DOCK7: variants seen among roughly 807,000 people sequenced by gnomAD.
DOCK7 encodes the protein dedicator of cytokinesis 7.
Under a neutral mutation model 271.0 loss-of-function variants are expected in DOCK7, and 138 were observed. The ratio of observed to expected loss-of-function variants is 0.51; its 90% CI spans 0.44 to 0.59. The LOEUF is 0.59. DOCK7 is among the 20% of genes least tolerant of loss of function. The pLI, the probability that DOCK7 is intolerant of heterozygous loss-of-function variation, is 0.00. For synonymous variants in DOCK7, 823 were observed against 876.1 expected (o/e 0.94, Z 1.07); for missense variants, 2,066 against 2,592.4 (o/e 0.80, Z 4.41).
chr1:62,620,556 A>G (rs905283631), intron 12 of DOCK7, among the ~76,000 whole-genome samples: 1 of 151,980 alleles, frequency 6.6e-6, no homozygotes, highest in African/African-American at 2.4e-5. Flanking sequence ...CCTATAAAGT[A>G]TTACAAAATA....
intron 18 of DOCK7, among the ~76,000 whole-genome samples, chr1:62,567,884 T>C (rs1190671035): frequency 2.6e-5 from 4 of 152,232 alleles, no homozygotes; most frequent in Admixed American, 1.3e-4. Context: ...AACAGTTCTC[T>C]TCAGTTCTAA....
intron 1 of DOCK7, among the ~76,000 whole-genome samples, chr1:62,671,171 C>T (rs1165360311): frequency 1.3e-5 from 2 of 152,166 alleles, no homozygotes; most frequent in African/African-American, 4.8e-5. Flanking sequence ...GACGCGCCAC[C>T]TTAAGAGCTG....
chr1:62,621,140 GGAA>G (rs1448043672), intron 12 of DOCK7, among the ~76,000 whole-genome samples: 17 of 151,936 alleles, frequency 1.1e-4, no homozygotes, highest in African/African-American at 4.1e-4. Context: ...GGAAGAGAGA[GGAA>G]GAAGAGGGAG....
chr1:62,622,803 G>A (rs913590849), intron 12 of DOCK7, among the ~76,000 whole-genome samples: 3 of 152,110 alleles, frequency 2.0e-5, no homozygotes, highest in East Asian at 3.9e-4. Flanking sequence ...GGTGGCAGGC[G>A]CCTGTAGTCC....
chr1:62,570,236 C>A (rs548981900), intron 18 of DOCK7, among the ~76,000 whole-genome samples: 3 of 152,284 alleles, frequency 2.0e-5, no homozygotes, highest in Non-Finnish European at 4.4e-5. Flanking sequence ...GCAAAAATCA[C>A]AAGCATTCTT....
At chr1:62,645,865 C>T (rs556907453) in intron 7 of DOCK7, among the ~76,000 whole-genome samples, 14 of 152,150 alleles carry the variant, frequency 9.2e-5, no homozygotes, top group South Asian at 2.1e-4. Flanking sequence ...ATAAACTACT[C>T]GGCCAGGCGT....
chr1:62,536,588 A>G (rs1218485441), intron 28 of DOCK7, among the ~76,000 whole-genome samples: 1 of 152,104 alleles, frequency 6.6e-6, no homozygotes, highest in African/African-American at 2.4e-5. Flanking sequence ...GATCCAGAAG[A>G]TTTTTTTACA....
chr1:62,465,881 G>T (rs138230863), intron 48 of DOCK7, among the ~76,000 whole-genome samples: 97 of 152,236 alleles, frequency 6.4e-4, no homozygotes, highest in African/African-American at 2.2e-3. Context: ...TATCAAAAAT[G>T]CAGCTTTTAT....
chr1:62,559,019 T>C lies in DOCK7; in HGVS notation c.2401A>G (p.Ile801Val). 1 of 1,613,576 alleles carries C rather than the reference T, an allele frequency of 6.2e-7. No individual in the cohort carries two copies. The highest frequency in any genetic ancestry group is 1.1e-5 in the South Asian group (1 of 91,032). ...TGGCCAGCAATGACAGGAGGTCTAATAACTAAAAGTATCAGTTTATCTAGC... is the reference window on the plus strand; with the variant it reads ...TGGCCAGCAATGACAGGAGGTCTAACAACTAAAAGTATCAGTTTATCTAGC... ...LLLDKLILLV[I>V]RPPVIAGQIV... Residue 801 changes from isoleucine (I) to valine (V), a missense_variant, in exon 20 of 50, where the codon ATT becomes GTT. Around this residue, in one of 2 missense-constraint regions of DOCK7, gnomAD observed 1,414 missense variants for 1,670.4 expected, o/e 0.85. Transcript: ENST00000635253.
chr1:62,521,249 A>G (rs1210112374), intron 31 of DOCK7, among the ~76,000 whole-genome samples: 1 of 152,210 alleles, frequency 6.6e-6, no homozygotes, highest in East Asian at 1.9e-4. Flanking sequence ...CTTAAAGTAT[A>G]ATTTAAAAAA....
chr1:62,543,893 T>C (rs566421325), intron 23 of DOCK7, 148 bp from the exon 24 acceptor site: 16 of 534,304 alleles, frequency 3.0e-5, no homozygotes, highest in African/African-American at 2.1e-4. Context: ...ATTTTCACCA[T>C]GTTAAGCTGC....
At chr1:62,481,439 G>C (rs976372219) in intron 43 of DOCK7, 1 of 151,724 alleles carries the variant, frequency 6.6e-6, no homozygotes, top group African/African-American at 2.4e-5. Flanking sequence ...TATGCTTCAC[G>C]GAAGCACAGT....
intron 1 of DOCK7, among the ~76,000 whole-genome samples, chr1:62,667,219 C>A (rs1394322313): frequency 2.0e-5 from 3 of 152,048 alleles, no homozygotes; most frequent in Admixed American, 2.0e-4. Context: ...AAGGAGAGTT[C>A]ATACTAAAGT....
chr1:62,566,754 C>G (rs1156569584), intron 18 of DOCK7, among the ~76,000 whole-genome samples: 1 of 152,104 alleles, frequency 6.6e-6, no homozygotes, highest in African/African-American at 2.4e-5. Context: ...TCAGAGTGAA[C>G]AAGCAACCTA....
At chr1:62,549,436 A>C (rs1022689490) in intron 22 of DOCK7, among the ~76,000 whole-genome samples, 2 of 152,212 alleles carry the variant, frequency 1.3e-5, no homozygotes, top group Non-Finnish European at 2.9e-5. Context: ...TCTACTATGA[A>C]AGGTAGCACA....
At chr1:62,597,754 A>T (rs146749211) in intron 14 of DOCK7, 2 of 1,613,628 alleles carry the variant, frequency 1.2e-6, no homozygotes, top group Non-Finnish European at 1.7e-6. Flanking sequence ...TTTGTCCATA[A>T]GACGAAGGGC....
rs779299300 is a variant in DOCK7 at position 62,488,870 on chromosome 1, A to C, written c.5493+64T>G. On this transcript the variant is annotated intron_variant, in intron 42 of 49. Transcript: ENST00000635253. ...GGATCTAGTTTGACATCAGTGCAAA[A>C]CAACATTAATGCTTTCAGACAGTTT... The C allele has an allele frequency of 5.0e-6, 8 of 1,602,050 alleles. No individual in the cohort carries two copies. In the African/African-American group the frequency reaches 8.0e-5, roughly 16 times the overall value.
In DOCK7 at chr1:62,673,628, C is replaced by A. The variant is rs559330827; in HGVS notation, c.39-10498G>T. ...ATTTATCTTAAATTCCACCCTACTT[C>A]ATTATAAAAATAAACCCAGAGCTGC... On this transcript the variant is annotated intron_variant, in intron 1 of 49. Coordinates refer to ENST00000635253, the MANE Select transcript of DOCK7 (RefSeq NM_001367561.1). Among the ~76,000 whole-genome samples, 60 of 152,302 alleles carry A rather than the reference C, an allele frequency of 3.9e-4. 1 individual carries two copies. The highest frequency in any genetic ancestry group is 1.3e-3 in the African/African-American group (56 of 41,570).
intron 47 of DOCK7, 51 bp downstream of exon 47, chr1:62,475,157 C>T: frequency 6.5e-7 from 1 of 1,531,598 alleles, no homozygotes; most frequent in African/African-American, 1.4e-5. Flanking sequence ...TGAAATTATC[C>T]CAAATCGTAT....
Sources: allele counts gnomAD v4.1 joint callset (sites outside exome capture counted in the v4.1 genomes callset), GRCh38; gene constraint gnomAD v4.1.1; regional missense constraint gnomAD v4.1.1; transcripts MANE v1.5; gene names NCBI Gene and HGNC (gene_info 2026-07-23, HGNC 2026-07-21).